LRP1B: variants seen among roughly 807,000 people sequenced by gnomAD.
LRP1B encodes the protein low-density lipoprotein receptor-related protein 1B.
LRP1B carries 217 observed loss-of-function variants against 556.6 expected under a neutral mutation model. That is an observed-to-expected ratio of 0.39 (90% CI 0.35 to 0.44). The LOEUF (loss-of-function observed/expected upper bound fraction) is 0.44, where lower values mean the gene tolerates loss of function less well. Among genes scored for constraint, LRP1B ranks in the 20% least tolerant of loss-of-function variants. The pLI is 1.00. For synonymous variants in LRP1B, 2,047 were observed against 1,865.8 expected (o/e 1.10, Z -2.50); for missense variants, 5,053 against 5,620.8 (o/e 0.90, Z 3.23).
At chr2:140,789,167 G>A (rs1690018464) in intron 32 of LRP1B, among the ~76,000 whole-genome samples, 1 of 152,146 alleles carries the variant, frequency 6.6e-6, no homozygotes, top group South Asian at 2.1e-4. Flanking sequence ...ATTAACAAGA[G>A]TCTGAGACAT....
chr2:141,147,947 C>A (rs973649448), intron 7 of LRP1B, among the ~76,000 whole-genome samples: 1 of 152,114 alleles, frequency 6.6e-6, no homozygotes, highest in Non-Finnish European at 1.5e-5. Context: ...ACATGCTGTG[C>A]AAGTTTATAT....
At chr2:141,392,403 T>C (rs1027378900) in intron 3 of LRP1B, among the ~76,000 whole-genome samples, 3 of 140,528 alleles carry the variant, frequency 2.1e-5, no homozygotes, top group Non-Finnish European at 4.5e-5. Context: ...AAACAAATCA[T>C]CCTGCCTAAC....
chr2:141,293,992 A>T (rs1428118496), intron 3 of LRP1B, among the ~76,000 whole-genome samples: 1 of 152,148 alleles, frequency 6.6e-6, no homozygotes, highest in African/African-American at 2.4e-5. Flanking sequence ...TTTCAAATAT[A>T]CGTAGCAATT....
At chr2:141,540,349 A>G (rs1211856710) in intron 2 of LRP1B, among the ~76,000 whole-genome samples, 3 of 152,030 alleles carry the variant, frequency 2.0e-5, no homozygotes, top group Non-Finnish European at 4.4e-5. Context: ...GACAGATACA[A>G]TATTGGTGAC....
At chr2:140,387,018 G>T (rs1427091708) in intron 66 of LRP1B, among the ~76,000 whole-genome samples, 1 of 152,136 alleles carries the variant, frequency 6.6e-6, no homozygotes, top group East Asian at 1.9e-4. Flanking sequence ...GAAGCACACT[G>T]AATAGCAAGG....
At chr2:141,378,895 A>T (rs1396541790) in intron 3 of LRP1B, among the ~76,000 whole-genome samples, 1 of 152,200 alleles carries the variant, frequency 6.6e-6, no homozygotes, top group Admixed American at 6.5e-5. Context: ...CACCGAGCAG[A>T]CAACCACTCA....
chr2:141,747,901 A>G (rs939590526), intron 2 of LRP1B, among the ~76,000 whole-genome samples: 2 of 152,184 alleles, frequency 1.3e-5, no homozygotes, highest in Non-Finnish European at 2.9e-5. Flanking sequence ...CCTATTATCC[A>G]TTTTTATAGA....
chr2:140,722,427 C>T (rs1687445253), intron 35 of LRP1B, among the ~76,000 whole-genome samples: 1 of 152,230 alleles, frequency 6.6e-6, no homozygotes. Flanking sequence ...TATCTCAATG[C>T]TCTCCTAATT....
At chr2:141,720,776 A>G (rs1174814824) in intron 2 of LRP1B, among the ~76,000 whole-genome samples, 1 of 152,134 alleles carries the variant, frequency 6.6e-6, no homozygotes, top group Non-Finnish European at 1.5e-5. Context: ...GTCAACTTTT[A>G]TCACGAACTA....
At position 140,935,912 on chromosome 2, in the gene LRP1B, A is replaced by G. The variant is rs367565595; in HGVS notation, c.3137-12765T>C. 1.8e-4 allele frequency among the ~76,000 whole-genome samples: 27 copies of G among 151,876 alleles called. No individual in the cohort carries two copies. In the East Asian group the frequency reaches 3.7e-3, roughly 21 times the overall value. On this transcript the variant is annotated intron_variant, in intron 20 of 90. Transcript: ENST00000389484. ...CACACACACATATATATGTATATAT[A>G]TGTGTGATATGTTAAGTGTATATAT...
At chr2:142,086,612 AAAAC>A (rs758367886) in intron 1 of LRP1B, among the ~76,000 whole-genome samples, 3 of 91,748 alleles carry the variant, frequency 3.3e-5, no homozygotes, top group African/African-American at 6.8e-5. Context: ...CTCCATCTCA[AAAAC>A]AAACAAACAA....
intron 79 of LRP1B, among the ~76,000 whole-genome samples, chr2:140,329,473 C>T (rs1161730272): frequency 5.3e-5 from 8 of 151,952 alleles, no homozygotes; most frequent in South Asian, 2.1e-4. Context: ...TTGCAGATGA[C>T]GTGTTCCTAT....
Position 140,886,348 on chromosome 2 carries a change from T to G in LRP1B, c.3767-13A>C. The stretch of plus-strand genomic sequence containing the variant: ...GCTTCAAAAGGATCTGAAATTAAAT[T>G]TATTTTTAATAGGCTTATGAAAATG... On this transcript the variant is annotated splice_polypyrimidine_tract_variant and intron_variant, in intron 23 of 90. Transcript: ENST00000389484. The G allele has an allele frequency of 7.0e-7, 1 of 1,434,434 alleles. No individual in the cohort carries two copies. The highest frequency in any genetic ancestry group is 9.6e-7 in the Non-Finnish European group (1 of 1,046,598). The allele number at this position is 1,434,434 out of a possible 1,614,324, so 88.9% of individuals were successfully genotyped here.
chr2:141,185,697 C>CAA lies in LRP1B; in HGVS notation c.1013+2722_1013+2723dup, dbSNP rs533419513. On this transcript the variant is annotated intron_variant, in intron 7 of 90. Coordinates refer to ENST00000389484, the MANE Select transcript of LRP1B (RefSeq NM_018557.3). ...TGAAAAACAAACAAACAAAAAAAAA[C>CAA]AAAAAAAAAAACAAGAACCAAAAAA... 6.5e-3 allele frequency among the ~76,000 whole-genome samples: 508 copies of CAA among 77,802 alleles called. 24 individuals carry two copies. Among genetic ancestry groups the CAA allele is most frequent in the African/African-American group, 0.019 (471 of 24,764 alleles). 51.0% of individuals were successfully genotyped at this position (77,802 alleles called of 152,430 possible). A position where few individuals can be genotyped will look rare whatever the true frequency, so the allele number is the denominator to read the frequency against.
chr2:141,494,177 G>A (rs562368972), intron 2 of LRP1B, among the ~76,000 whole-genome samples: 2 of 152,230 alleles, frequency 1.3e-5, no homozygotes. Context: ...CCAGCATGAA[G>A]GATGTCAACA....
intron 1 of LRP1B, among the ~76,000 whole-genome samples, chr2:141,890,063 G>A (rs116023570): frequency 7.4e-4 from 110 of 148,046 alleles, no homozygotes; most frequent in Non-Finnish European, 1.3e-3. Context: ...TCTAATTCTA[G>A]CTAGTCTCTG....
intron 3 of LRP1B, among the ~76,000 whole-genome samples, chr2:141,360,706 C>T (rs945803739): frequency 2.6e-5 from 4 of 152,160 alleles, no homozygotes; most frequent in African/African-American, 9.7e-5. Flanking sequence ...AAGGACAATT[C>T]CCCGGCAGGA....
At chr2:140,862,142 C>G (rs1692817238) in intron 27 of LRP1B, among the ~76,000 whole-genome samples, 1 of 152,114 alleles carries the variant, frequency 6.6e-6, no homozygotes, top group Non-Finnish European at 1.5e-5. Context: ...AACTGTATCC[C>G]AGAAGTATCT....
rs1689812205 is a variant in LRP1B at position 140,514,712 on chromosome 2, C to A, written c.8210G>T (p.Trp2737Leu). The change falls in exon 51 of 91, where the codon TGG becomes TTG. Residue 2737 changes from tryptophan (W) to leucine (L), a missense_variant. Coordinates refer to ENST00000389484, the MANE Select transcript of LRP1B (RefSeq NM_018557.3). ...CSAQKCISKH[W>L]ICDGEDDCGD... ...ACAGTCATCTTCTCCATCACAAATC[C>A]AATGCTTAGAAATACATTTTTGTGC... 1 of 1,612,106 alleles carries A rather than the reference C, an allele frequency of 6.2e-7. No individual in the cohort carries two copies. Among genetic ancestry groups the A allele is most frequent in the Non-Finnish European group, 8.5e-7 (1 of 1,178,876 alleles).
Sources: gnomAD v4.1 joint callset for allele counts (sites outside exome capture counted in the v4.1 genomes callset) on GRCh38, gnomAD v4.1.1 for gene constraint, MANE v1.5 for transcripts, NCBI Gene and HGNC (gene_info 2026-07-23, HGNC 2026-07-21) for gene names.